KCNJ6: variants seen among roughly 807,000 people sequenced by gnomAD.
The protein encoded by KCNJ6 is potassium inwardly rectifying channel subfamily J member 6.
In KCNJ6, 9 loss-of-function variants were observed where a neutral mutation model predicts 34.2. The ratio of observed to expected loss-of-function variants is 0.26; its 90% CI spans 0.16 to 0.46. KCNJ6 has a LOEUF of 0.46. Ranked by LOEUF, KCNJ6 falls within the 20% of genes least tolerant of loss-of-function variation. The probability of loss-of-function intolerance (pLI) is 1.00; values close to 1 mark genes in which losing one functional copy is unlikely to be tolerated. For synonymous variants in KCNJ6, 196 were observed against 207.1 expected (o/e 0.95, Z 0.46); for missense variants, 236 against 531.3 (o/e 0.44, Z 5.46).
intron 2 of KCNJ6, among the ~76,000 whole-genome samples, chr21:37,834,848 C>T (rs1204350134): frequency 6.6e-6 from 1 of 152,222 alleles, no homozygotes; most frequent in Non-Finnish European, 1.5e-5. Context: ...AAAAAGAAAC[C>T]ATAGTCTTTT....
chr21:37,896,087 C>G (rs1056955492), intron 1 of KCNJ6, among the ~76,000 whole-genome samples: 1 of 152,072 alleles, frequency 6.6e-6, no homozygotes, highest in Non-Finnish European at 1.5e-5. Flanking sequence ...ACAATCATGT[C>G]GGAAGGAAGA....
intron 1 of KCNJ6, among the ~76,000 whole-genome samples, chr21:37,874,793 G>A (rs7278259): frequency 0.78 from 118,474 of 151,956 alleles, 46,608 homozygotes; most frequent in East Asian, 0.91. Context: ...GTTCACATTC[G>A]ATCTCTTAGA....
intron 1 of KCNJ6, among the ~76,000 whole-genome samples, chr21:37,846,119 G>A (rs1472863908): frequency 6.6e-6 from 1 of 152,088 alleles, no homozygotes; most frequent in Non-Finnish European, 1.5e-5. Flanking sequence ...TTTTCTGTCT[G>A]AACTTTATTC....
intron 1 of KCNJ6, among the ~76,000 whole-genome samples, chr21:37,890,519 T>C (rs1421114812): frequency 6.6e-6 from 1 of 152,200 alleles, no homozygotes; most frequent in East Asian, 1.9e-4. Flanking sequence ...GACTTCTGCT[T>C]TCGTGGCCTC....
intron 1 of KCNJ6, among the ~76,000 whole-genome samples, chr21:37,883,627 C>T (rs1173073934): frequency 6.6e-6 from 1 of 152,180 alleles, no homozygotes; most frequent in Non-Finnish European, 1.5e-5. Flanking sequence ...TGAAGTTTCC[C>T]TGCTCCCAAA....
chr21:37,870,184 G>C (rs1385044514), intron 1 of KCNJ6, among the ~76,000 whole-genome samples: 1 of 152,102 alleles, frequency 6.6e-6, no homozygotes, highest in African/African-American at 2.4e-5. Context: ...GACCAGGAAG[G>C]CATGCAATCC....
rs59229772 is a variant in KCNJ6, at chr21:37,721,679, CAT to C, written c.26-6550_26-6549del. Among the ~76,000 whole-genome samples, 199 of 152,258 alleles carry C rather than the reference CAT, an allele frequency of 1.3e-3. 1 individual carries two copies. Among genetic ancestry groups the C allele is most frequent in the African/African-American group, 4.6e-3 (193 of 41,562 alleles). ...AATAAACCAGACACAAAAGGACAAA[CAT>C]ATGGAAGGAAATTCTGATACAGGCT... On this transcript the variant is annotated intron_variant, in intron 2 of 3. Transcript: ENST00000609713.
At chr21:37,895,253 A>G (rs917165663) in intron 1 of KCNJ6, among the ~76,000 whole-genome samples, 12 of 152,340 alleles carry the variant, frequency 7.9e-5, no homozygotes, top group African/African-American at 2.9e-4. Context: ...CTTTGTCCTT[A>G]AAGACCTTAA....
In KCNJ6 at chr21:37,654,395, C is replaced by T. The variant is rs545791840; in HGVS notation, c.947-28911G>A. On this transcript the variant is annotated intron_variant, in intron 3 of 3. Coordinates refer to ENST00000609713, the MANE Select transcript of KCNJ6 (RefSeq NM_002240.5). ...TCTACCTTCTTGATTCGACATCTCT[C>T]TGCTGTCTTGACATTTGGTAAAAAA... 4.0e-5 allele frequency among the ~76,000 whole-genome samples: 6 copies of T among 148,980 alleles called. No homozygotes were observed. The South Asian group carries it at 1.3e-3, about 33-fold the overall frequency.
intron 2 of KCNJ6, among the ~76,000 whole-genome samples, chr21:37,810,203 A>G (rs1441498042): frequency 6.6e-6 from 1 of 152,194 alleles, no homozygotes; most frequent in Non-Finnish European, 1.5e-5. Flanking sequence ...TCACTTAACT[A>G]TATCTGGTGC....
At chr21:37,637,443 A>G (rs1490859303) in intron 3 of KCNJ6, among the ~76,000 whole-genome samples, 1 of 152,208 alleles carries the variant, frequency 6.6e-6, no homozygotes, top group East Asian at 1.9e-4. Flanking sequence ...TCCTAATTCT[A>G]TTCTCACCAA....
chr21:37,790,021 C>T (rs569725719), intron 2 of KCNJ6, among the ~76,000 whole-genome samples: 11 of 152,232 alleles, frequency 7.2e-5, no homozygotes, highest in African/African-American at 1.4e-4. Context: ...AGGATCATCG[C>T]GAACTTCCAA....
At chr21:37,657,076 C>G (rs1601406570) in intron 3 of KCNJ6, among the ~76,000 whole-genome samples, 1 of 152,114 alleles carries the variant, frequency 6.6e-6, no homozygotes, top group South Asian at 2.1e-4. Context: ...CCCACATGGG[C>G]CTTCCTACAC....
intron 3 of KCNJ6, among the ~76,000 whole-genome samples, chr21:37,698,414 C>G (rs2054673782): frequency 6.6e-6 from 1 of 152,214 alleles, no homozygotes; most frequent in African/African-American, 2.4e-5. Context: ...GAGGGGGGCT[C>G]ATGGTCTTCC....
In KCNJ6 at chr21:37,650,054, C is replaced by T. The variant is rs1236432591; in HGVS notation, c.947-24570G>A. Among the ~76,000 whole-genome samples the T allele has an allele frequency of 1.2e-4, 18 of 152,234 alleles. No homozygotes were observed. The South Asian group carries it at 2.9e-3, about 25-fold the overall frequency. On this transcript the variant is annotated intron_variant, in intron 3 of 3. Coordinates refer to ENST00000609713, the MANE Select transcript of KCNJ6 (RefSeq NM_002240.5). ...CTGGGATTACAGGTGTGAACCACCG[C>T]GCCTGGCCTAATTCCAGCATTTAAA...
At chr21:37,715,456 G>A (rs1569450852) in intron 2 of KCNJ6, among the ~76,000 whole-genome samples, 2 of 152,312 alleles carry the variant, frequency 1.3e-5, no homozygotes, top group Non-Finnish European at 2.9e-5. Context: ...GAGATGCTGT[G>A]GCATGGGAGA....
intron 1 of KCNJ6, among the ~76,000 whole-genome samples, chr21:37,866,547 A>T (rs763288486): frequency 4.1e-4 from 63 of 152,228 alleles, no homozygotes; most frequent in Admixed American, 7.9e-4. Flanking sequence ...CCGGAGCTGG[A>T]CAGTGAGGCC....
At chr21:37,647,063 G>A (rs1045149345) in intron 3 of KCNJ6, among the ~76,000 whole-genome samples, 1 of 152,122 alleles carries the variant, frequency 6.6e-6, no homozygotes, top group Non-Finnish European at 1.5e-5. Flanking sequence ...GAGGGATGGA[G>A]CCCTTTCATC....
intron 2 of KCNJ6, among the ~76,000 whole-genome samples, chr21:37,814,922 A>T (rs895925567): frequency 2.0e-5 from 3 of 149,674 alleles, no homozygotes; most frequent in African/African-American, 7.4e-5. Flanking sequence ...AAAAAGAACG[A>T]GAATTTTTCC....
Sources: gnomAD v4.1 joint callset for allele counts (sites outside exome capture counted in the v4.1 genomes callset) on GRCh38, gnomAD v4.1.1 for gene constraint, MANE v1.5 for transcripts, NCBI Gene and HGNC (gene_info 2026-07-23, HGNC 2026-07-21) for gene names.